The following IL13RA1 variants were observed in gnomAD, a reference collection of about 807,000 sequenced individuals.
The protein encoded by IL13RA1 is interleukin 13 receptor subunit alpha 1.
A neutral mutation model predicts 33.8 loss-of-function variants in IL13RA1; 14 were observed. The ratio of observed to expected loss-of-function variants is 0.41; its 90% CI spans 0.27 to 0.65. The LOEUF (loss-of-function observed/expected upper bound fraction) is 0.65. Among genes scored for constraint, IL13RA1 ranks in the 30% least tolerant of loss-of-function variants. The probability of loss-of-function intolerance (pLI) is 0.28; values close to 1 mark genes in which losing one functional copy is unlikely to be tolerated. For missense variants in IL13RA1, 313 were observed against 327.0 expected (o/e 0.96, Z 0.33); for synonymous variants, 116 against 115.7 (o/e 1.00, Z -0.02).
chrX:118,803,902 C>A, the IL13RA1 span, among the ~76,000 whole-genome samples: 2 of 97,004 alleles, frequency 2.1e-5, no homozygotes, highest in Non-Finnish European at 4.1e-5. Flanking sequence ...TCCTTCCTTC[C>A]TTCCTTCCTT....
intron 5 of IL13RA1, among the ~76,000 whole-genome samples, chrX:118,760,416 G>A (rs2017578702): frequency 8.9e-6 from 1 of 111,782 alleles, no homozygotes; most frequent in East Asian, 2.8e-4. Flanking sequence ...GCATTAATAA[G>A]TGACAACTAG....
At chrX:118,783,755 TACAC>T (rs142945515) in intron 10 of IL13RA1, among the ~76,000 whole-genome samples, 3 of 100,920 alleles carry the variant, frequency 3.0e-5, no homozygotes, top group South Asian at 9.4e-4. Flanking sequence ...AAATCCATAT[TACAC>T]ACACACACAC....
chrX:118,767,414 G>A (rs1340518272), intron 8 of IL13RA1, among the ~76,000 whole-genome samples: 1 of 110,982 alleles, frequency 9.0e-6, no homozygotes, highest in African/African-American at 3.3e-5. Context: ...GGTGGTGCAC[G>A]CTTGTGGTCT....
chrX:118,743,738 A>G (rs1473627008), intron 2 of IL13RA1, among the ~76,000 whole-genome samples: 1 of 111,845 alleles, frequency 8.9e-6, no homozygotes, highest in African/African-American at 3.3e-5. Flanking sequence ...ATAAATTTTC[A>G]AAGGGAATCA....
chrX:118,770,292 A>G, intron 8 of IL13RA1: 1 of 344,046 alleles, frequency 2.9e-6, no homozygotes, highest in Non-Finnish European at 5.6e-6. Context: ...CTCTTCAACG[A>G]CTCCTCGCTG....
At chrX:118,749,387 C>T (rs757715101) in intron 3 of IL13RA1, among the ~76,000 whole-genome samples, 8 of 111,917 alleles carry the variant, frequency 7.1e-5, no homozygotes, top group Non-Finnish European at 1.3e-4. Flanking sequence ...TCTTTTATCT[C>T]TCCCTCCAGT....
chrX:118,739,317 A>G (rs1330602121), intron 1 of IL13RA1, among the ~76,000 whole-genome samples: 1 of 111,941 alleles, frequency 8.9e-6, no homozygotes, highest in Non-Finnish European at 1.9e-5. Flanking sequence ...AACCTCAACT[A>G]CAGAGTGTCT....
At chrX:118,775,622 G>A (rs2017773638) in intron 9 of IL13RA1, among the ~76,000 whole-genome samples, 1 of 111,314 alleles carries the variant, frequency 9.0e-6, no homozygotes, top group African/African-American at 3.3e-5. Context: ...GATAAGACTT[G>A]CTGTTAGTTG....
Position 118,749,664 on chromosome X carries a change from C to T in IL13RA1, c.374C>T (p.Pro125Leu). Residue 125 changes from proline (P) to leucine (L), a missense_variant, in exon 4 of 11, where the codon CCT (proline) becomes CTT (leucine). Coordinates refer to ENST00000371666, the MANE Select transcript of IL13RA1 (RefSeq NM_001560.3). ...EKCISPPEGD[P>L]ESAVTELQCI... ...CTTGGCCTGGATATTCTAGGTGATC[C>T]TGAGTCTGCTGTGACTGAGCTTCAA... 8.3e-7 allele frequency: 1 copy of T among 1,207,173 alleles called. No homozygotes were observed. The highest frequency in any genetic ancestry group is 1.1e-6 in the Non-Finnish European group (1 of 891,454).
At position 118,758,193 on chromosome X, in the gene IL13RA1, T is replaced by C. The variant is rs2017554248; in HGVS notation, c.627T>C (p.Asn209=). The change falls in exon 5 of 11, where the codon AAT becomes AAC. Residue 209 remains asparagine (N), a synonymous_variant. Transcript: ENST00000371666. ...QHSVQIMVKD[N]AGKIKPSFNI... ...GTGTCCAAATAATGGTCAAGGATAATGCAGGAAAAATTAAACCATCCTTCA... is the reference window on the plus strand; with the variant it reads ...GTGTCCAAATAATGGTCAAGGATAACGCAGGAAAAATTAAACCATCCTTCA... 2 of 1,138,163 alleles carry C rather than the reference T, an allele frequency of 1.8e-6. No homozygotes were observed. The highest frequency in any genetic ancestry group is 1.8e-5 in the African/African-American group (1 of 56,712). The allele number at this position is 1,138,163 out of a possible 1,213,427, so 93.8% of individuals were successfully genotyped here. A position where few individuals can be genotyped will look rare whatever the true frequency, so the allele number is the denominator to read the frequency against.
chrX:118,800,660 A>C, the IL13RA1 span, among the ~76,000 whole-genome samples: 5 of 111,589 alleles, frequency 4.5e-5, no homozygotes, highest in Non-Finnish European at 9.4e-5. Context: ...AATTCGGGAC[A>C]GTGGCATGAT....
intron 10 of IL13RA1, among the ~76,000 whole-genome samples, chrX:118,777,819 G>T (rs769897460): frequency 2.7e-5 from 3 of 111,514 alleles, no homozygotes; most frequent in Non-Finnish European, 5.6e-5. Context: ...AAATAATAAA[G>T]ACACTAAATG....
At chrX:118,740,547 C>T (rs1269566169) in intron 1 of IL13RA1, among the ~76,000 whole-genome samples, 8 of 112,013 alleles carry the variant, frequency 7.1e-5, no homozygotes, top group Non-Finnish European at 1.9e-5. Flanking sequence ...AATCCCAGAA[C>T]TTTGGGAGGC....
intron 1 of IL13RA1, 101 bp from the exon 2 acceptor site, chrX:118,740,916 C>T: frequency 1.7e-6 from 1 of 601,996 alleles, no homozygotes; most frequent in Non-Finnish European, 2.8e-6. Context: ...ATGTTGTTAA[C>T]TCAGTTATTA....
At chrX:118,740,204 C>G (rs753727737) in intron 1 of IL13RA1, among the ~76,000 whole-genome samples, 1 of 111,927 alleles carries the variant, frequency 8.9e-6, no homozygotes, top group Non-Finnish European at 1.9e-5. Context: ...GGGCTCAAGC[C>G]GCTTGGTCTC....
At chrX:118,752,331 G>T (rs1225194827) in intron 4 of IL13RA1, among the ~76,000 whole-genome samples, 1 of 111,239 alleles carries the variant, frequency 9.0e-6, no homozygotes, top group Non-Finnish European at 1.9e-5. Flanking sequence ...ACTTCTTTCA[G>T]TTCCTCAGAC....
chrX:118,795,701 G>A (rs1184317627), downstream of IL13RA1, among the ~76,000 whole-genome samples: 1 of 112,119 alleles, frequency 8.9e-6, no homozygotes, highest in Admixed American at 9.5e-5. Flanking sequence ...TGTCTCAGGG[G>A]TAGAGGAGCC....
intron 6 of IL13RA1, among the ~76,000 whole-genome samples, chrX:118,763,980 T>C (rs941956820): frequency 8.9e-6 from 1 of 111,807 alleles, no homozygotes; most frequent in Non-Finnish European, 1.9e-5. Context: ...ATCAGTTTTT[T>C]GTGTGCTCAC....
chrX:118,761,319 G>A, intron 6 of IL13RA1, 30 bp downstream of exon 6: 1 of 777,899 alleles, frequency 1.3e-6, no homozygotes, highest in Non-Finnish European at 1.8e-6. Context: ...GTTTTTATTT[G>A]GCTATTTTTC....
Sources: gnomAD v4.1 joint callset for allele counts (sites outside exome capture counted in the v4.1 genomes callset) on GRCh38, gnomAD v4.1.1 for gene constraint, MANE v1.5 for transcripts, NCBI Gene and HGNC (gene_info 2026-07-23, HGNC 2026-07-21) for gene names.